Variants in AP2A2 observed in about 807,000 individuals in gnomAD.
AP2A2 encodes the protein AP-2 complex subunit alpha-2.
In AP2A2, 32 loss-of-function variants were observed where a neutral mutation model predicts 104.2. The observed-to-expected ratio is 0.31, with a 90% CI of 0.23 to 0.41. The LOEUF (loss-of-function observed/expected upper bound fraction) is 0.41. Ranked by LOEUF, AP2A2 falls within the 10% of genes least tolerant of loss-of-function variation. The pLI is 1.00. For missense variants in AP2A2, 912 were observed against 1,261.0 expected, an observed-to-expected ratio of 0.72 and a Z score of 4.19; for synonymous variants, 539 against 533.3, an observed-to-expected ratio of 1.01 and a Z score of -0.15.
intron 6 of AP2A2, among the ~76,000 whole-genome samples, chr11:983,581 C>T (rs1240666757): frequency 3.9e-5 from 6 of 151,980 alleles, no homozygotes; most frequent in South Asian, 2.1e-4. Flanking sequence ...GATGGGGTTT[C>T]ACTGTGTTAG....
At chr11:1,005,015 T>TA (rs370144449) in intron 16 of AP2A2, among the ~76,000 whole-genome samples, 87 of 152,236 alleles carry the variant, frequency 5.7e-4, no homozygotes, top group African/African-American at 2.0e-3. Context: ...AGCTGGGTCT[T>TA]AAAGAGGTAC....
At chr11:1,009,498 C>T (rs530556493) in intron 20 of AP2A2, 101 bp downstream of exon 20, 32 of 1,372,900 alleles carry the variant, frequency 2.3e-5, no homozygotes, top group Non-Finnish European at 2.8e-5. Flanking sequence ...CATGACCCCG[C>T]GCCAGGGTCT....
At chr11:950,686 A>T (rs952803078) in intron 1 of AP2A2, among the ~76,000 whole-genome samples, 3 of 152,204 alleles carry the variant, frequency 2.0e-5, no homozygotes, top group Non-Finnish European at 4.4e-5. Context: ...TTAGAAGGTG[A>T]AATGGCAACC....
At chr11:969,026 C>T (rs948846197) in intron 2 of AP2A2, among the ~76,000 whole-genome samples, 2 of 151,950 alleles carry the variant, frequency 1.3e-5, no homozygotes, top group East Asian at 3.9e-4. Flanking sequence ...AAGAAGGGGG[C>T]CAGAGCGGCT....
At position 1,010,897 on chromosome 11, in the gene AP2A2, T is replaced by A. The variant is rs951088753; in HGVS notation, c.*272T>A. 3.0e-6 allele frequency: 2 copies of A among 658,850 alleles called. No individual in the cohort carries two copies. The highest frequency in any genetic ancestry group is 1.8e-5 in the African/African-American group (1 of 56,162). 40.8% of individuals were successfully genotyped at this position (658,850 alleles called of 1,614,324 possible). On this transcript the variant is annotated 3_prime_UTR_variant, in exon 22 of 22. Transcript: ENST00000448903. ...AAATCGAGACAGTTCTGTGGTTAAA[T>A]CTACAAATTAAAGGGAAATTAGAAG...
In AP2A2 at chr11:985,453, G is replaced by T. The variant is rs768056290; in HGVS notation, c.833G>T (p.Arg278Leu). The T allele has an allele frequency of 3.1e-6, 5 of 1,613,820 alleles. No individual in the cohort carries two copies. The African/African-American group carries it at 5.3e-5, about 17-fold the overall frequency. The change falls in exon 8 of 22, where the codon CGC becomes CTC. Residue 278 changes from arginine (R) to leucine (L), a missense_variant. By Grantham distance (102) the Arg-to-Leu change is moderately radical (BLOSUM62 -2). This residue lies in a region of AP2A2 where 350 missense variants were observed against 487.0 expected (regional missense o/e 0.72). Transcript: ENST00000448903. ...YPPPDPAVRG[R>L]LTECLETILN... ...CCAGAAGACCCTGCAGTGCGAGGCC[G>T]CCTGACTGAGTGCCTGGAGACCATC...
At chr11:998,280 C>T (rs1190165022) in intron 14 of AP2A2, among the ~76,000 whole-genome samples, 1 of 152,154 alleles carries the variant, frequency 6.6e-6, no homozygotes, top group East Asian at 1.9e-4. Context: ...GCCTGGGAGC[C>T]TGCCCCGTTT....
In AP2A2 at chr11:961,180, C is replaced by T. The variant is rs546959007; in HGVS notation, c.136+1675C>T. Among the ~76,000 whole-genome samples, 631 of 149,342 alleles carry T rather than the reference C, an allele frequency of 4.2e-3. 15 individuals carry two copies. Among genetic ancestry groups the T allele is most frequent in the African/African-American group, 0.015 (604 of 39,758 alleles). On this transcript the variant is annotated intron_variant, in intron 2 of 21. Transcript: ENST00000448903. ...GGAGATGTGGGTCTGACAGCCGCCG[C>T]CACCAGTGAAAAGTAAAGGGCAGAA...
At chr11:947,841 C>T (rs1037316355) in intron 1 of AP2A2, among the ~76,000 whole-genome samples, 1 of 152,106 alleles carries the variant, frequency 6.6e-6, no homozygotes, top group Non-Finnish European at 1.5e-5. Context: ...CCTTATAGTC[C>T]CAGTTACTTG....
chr11:969,806 G>T (rs547639037), intron 2 of AP2A2, among the ~76,000 whole-genome samples: 1 of 152,346 alleles, frequency 6.6e-6, no homozygotes, highest in African/African-American at 2.4e-5. Context: ...TGAAGGCAGG[G>T]TTTGCAAGTT....
chr11:973,226 A>C (rs971097268), intron 4 of AP2A2, among the ~76,000 whole-genome samples: 1 of 152,240 alleles, frequency 6.6e-6, no homozygotes, highest in Non-Finnish European at 1.5e-5. Flanking sequence ...CGGCGTCTCA[A>C]CTGGGCCACA....
At chr11:989,688 C>G (rs1040263698) in intron 10 of AP2A2, among the ~76,000 whole-genome samples, 1 of 152,208 alleles carries the variant, frequency 6.6e-6, no homozygotes, top group Non-Finnish European at 1.5e-5. Context: ...TGAACCAAAA[C>G]CTGAGGGAAG....
intron 3 of AP2A2, among the ~76,000 whole-genome samples, chr11:970,611 A>G (rs1854787817): frequency 6.6e-6 from 1 of 152,050 alleles, no homozygotes; most frequent in African/African-American, 2.4e-5. Context: ...TTTCTTTGCA[A>G]CCTCCCTTAC....
intron 1 of AP2A2, among the ~76,000 whole-genome samples, chr11:953,699 A>G (rs994963120): frequency 5.9e-5 from 9 of 152,084 alleles, no homozygotes; most frequent in African/African-American, 2.2e-4. Flanking sequence ...GTCTCTGCTC[A>G]GTAGGGGCGC....
chr11:953,838 T>TC (rs1854138123), intron 1 of AP2A2, among the ~76,000 whole-genome samples: 4 of 118,652 alleles, frequency 3.4e-5, no homozygotes, highest in Admixed American at 1.8e-4. Context: ...ACCTTCTCTC[T>TC]TTTTTTTTTT....
At position 1,011,466 on chromosome 11, in the gene AP2A2, C is replaced by T. The variant is rs780763406; in HGVS notation, c.*841C>T. On this transcript the variant is annotated 3_prime_UTR_variant, in exon 22 of 22. Transcript: ENST00000448903. ...AGTCCTTCCACCGGCCCCGTCCAGT[C>T]GTCCCTGGAGGGGCTGTGGAGGAGG... 2.2e-5 allele frequency: 11 copies of T among 497,384 alleles called. No homozygotes were observed. Among genetic ancestry groups the T allele is most frequent in the Non-Finnish European group, 3.6e-5 (9 of 249,454 alleles). 30.8% of individuals were successfully genotyped at this position (497,384 alleles called of 1,614,324 possible). A position where few individuals can be genotyped will look rare whatever the true frequency, so the allele number is the denominator to read the frequency against.
At chr11:965,698 A>G (rs1398074430) in intron 2 of AP2A2, among the ~76,000 whole-genome samples, 1 of 152,210 alleles carries the variant, frequency 6.6e-6, no homozygotes, top group African/African-American at 2.4e-5. Flanking sequence ...CTGCAGACGC[A>G]TGGGCAAGAA....
chr11:930,918 G>A (rs1034581732), intron 1 of AP2A2, among the ~76,000 whole-genome samples: 1 of 152,128 alleles, frequency 6.6e-6, no homozygotes, highest in Non-Finnish European at 1.5e-5. Flanking sequence ...TTCAGATTTC[G>A]TTAGATCGAC....
chr11:979,800 CAG>C (rs932350441), intron 5 of AP2A2, among the ~76,000 whole-genome samples: 80 of 152,296 alleles, frequency 5.3e-4, no homozygotes, highest in African/African-American at 1.9e-3. Context: ...CTCCTGACCT[CAG>C]GGGATCCGCC....
Sources: gnomAD v4.1 joint callset for allele counts (sites outside exome capture counted in the v4.1 genomes callset) on GRCh38, gnomAD v4.1.1 for gene constraint, gnomAD v4.1.1 regional missense constraint, MANE v1.5 for transcripts, NCBI Gene and HGNC (gene_info 2026-07-23, HGNC 2026-07-21) for gene names.